The following ATP2A2 variants were observed in gnomAD, a reference collection of about 807,000 sequenced individuals.
ATP2A2 encodes ATPase sarcoplasmic/endoplasmic reticulum Ca2+ transporting 2, also known as sarcoplasmic/endoplasmic reticulum calcium ATPase 2.
In ATP2A2, 14 loss-of-function variants were observed where a neutral mutation model predicts 109.3. The observed-to-expected ratio is 0.13, with a 90% CI of 0.08 to 0.20. ATP2A2 has a LOEUF of 0.20. Ranked by LOEUF, ATP2A2 falls within the 10% of genes least tolerant of loss-of-function variation. The probability of loss-of-function intolerance (pLI) is 1.00; values close to 1 mark genes in which losing one functional copy is unlikely to be tolerated. For missense variants in ATP2A2, 657 were observed against 1,321.6 expected, an observed-to-expected ratio of 0.50 and a Z score of 7.80; for synonymous variants, 506 against 490.9, an observed-to-expected ratio of 1.03 and a Z score of -0.41.
rs1873370187 is a variant in ATP2A2 at position 110,292,016 on chromosome 12, C to T, written c.220-4C>T. 6.2e-7 allele frequency: 1 copy of T among 1,613,058 alleles called. No individual in the cohort carries two copies. Among genetic ancestry groups the T allele is most frequent in the Non-Finnish European group, 8.5e-7 (1 of 1,179,028 alleles). On this transcript the variant is annotated splice_polypyrimidine_tract_variant and splice_region_variant and intron_variant, in intron 3 of 19. Transcript: ENST00000539276. The stretch of plus-strand genomic sequence containing the variant: ...CACATTCTAACGTGCCATTTCTCTT[C>T]TAGGTTTTGGCTTGGTTTGAAGAAG...
chr12:110,306,436 C>G (rs766760926), intron 5 of ATP2A2, among the ~76,000 whole-genome samples: 2 of 152,208 alleles, frequency 1.3e-5, no homozygotes, highest in Non-Finnish European at 2.9e-5. Flanking sequence ...TGGGCTTCTG[C>G]TGATCCTGTC....
rs1379379173 is a variant in ATP2A2 at position 110,287,392 on chromosome 12, A to AGTTG, written c.219+4597_219+4598insGTTG. Among the ~76,000 whole-genome samples, 8 of 152,302 alleles carry AGTTG rather than the reference A, an allele frequency of 5.3e-5. No homozygotes were observed. In the East Asian group the frequency reaches 1.5e-3, roughly 29 times the overall value. Reference sequence around the variant, plus strand: ...GATACTCTATCCCTACTCTATTTTTAACAGTTTAATGTAGTTGAGTGTTCA... The same window carrying AGTTG: ...GATACTCTATCCCTACTCTATTTTTAGTTGACAGTTTAATGTAGTTGAGTGTTCA... On this transcript the variant is annotated intron_variant, in intron 3 of 19. Coordinates refer to ENST00000539276, the MANE Select transcript of ATP2A2 (RefSeq NM_170665.4).
rs1330106592 is a variant in ATP2A2, at chr12:110,296,731, A to G, written c.457A>G (p.Ile153Val). 1 of 1,614,132 alleles carries G rather than the reference A, an allele frequency of 6.2e-7. No individual in the cohort carries two copies. Among genetic ancestry groups the G allele is most frequent in the Non-Finnish European group, 8.5e-7 (1 of 1,180,010 alleles). Residue 153 changes from isoleucine to valine, a missense_variant, in exon 5 of 20, where the codon ATT becomes GTT. Physicochemically the swap from Ile to Val is conservative, Grantham distance 29. Transcript: ENST00000539276. Reference protein sequence around the residue: ...KDIVPGDIVEIAVGDKVPADI... With the variant: ...KDIVPGDIVEVAVGDKVPADI... ...CATAGTTCCTGGTGATATTGTAGAA[A>G]TTGCTGGTGAGTTGAGTTTGTCATT... is the stretch of plus-strand genomic sequence containing the variant.
rs145018250 is a variant in ATP2A2 at position 110,339,718 on chromosome 12, T to C, written c.1758T>C (p.Tyr586=). The change falls in exon 13 of 20, where the codon TAT becomes TAC. Residue 586 remains tyrosine (Y), a synonymous_variant. Coordinates refer to ENST00000539276, the MANE Select transcript of ATP2A2 (RefSeq NM_170665.4). This position sits in a 1 kb window ranked among gnomAD's most constrained non-coding sequence, Gnocchi z 4.4. ...AGGACTCTGCCAACTTTATTAAATA[T>C]GAGGTTAGCTAATGAAAAGTTTCTT... is the stretch of plus-strand genomic sequence containing the variant. ...HLEDSANFIK[Y]ETNLTFVGCV... is the part of the protein sequence containing the mutation. 1.0e-4 allele frequency: 167 copies of C among 1,613,746 alleles called. No homozygotes were observed. Among genetic ancestry groups the C allele is most frequent in the Admixed American group, 2.2e-4 (13 of 60,014 alleles).
chr12:110,323,731 A>T (rs1213730316), intron 6 of ATP2A2, among the ~76,000 whole-genome samples: 1 of 152,188 alleles, frequency 6.6e-6, no homozygotes, highest in Admixed American at 6.5e-5. Flanking sequence ...GGTCAAGGCT[A>T]CAGTGAGCCA....
rs1450134916 is a variant in ATP2A2 at position 110,292,053 on chromosome 12, A to G, written c.253A>G (p.Ile85Val). The change falls in exon 4 of 20, where the codon ATT (isoleucine) becomes GTT (valine). Residue 85 changes from isoleucine to valine, a missense_variant. Coordinates refer to ENST00000539276, the MANE Select transcript of ATP2A2 (RefSeq NM_170665.4). Reference protein sequence around the residue: ...LAWFEEGEETITAFVEPFVIL... With the variant: ...LAWFEEGEETVTAFVEPFVIL... ...TTGGTTTGAAGAAGGTGAAGAAACA[A>G]TTACAGCCTTTGTAGAACCTTTTGT... 12 of 1,614,042 alleles carry G rather than the reference A, an allele frequency of 7.4e-6. No homozygotes were observed. The highest frequency in any genetic ancestry group is 1.0e-5 in the Non-Finnish European group (12 of 1,180,028).
At chr12:110,321,502 G>A (rs924322020) in intron 5 of ATP2A2, among the ~76,000 whole-genome samples, 16 of 152,182 alleles carry the variant, frequency 1.1e-4, no homozygotes, top group African/African-American at 2.2e-4. Flanking sequence ...ACAAAGTCTC[G>A]CTCTGTCTCC....
Position 110,349,156 on chromosome 12 carries a change from C to T in ATP2A2, c.*2686C>T, listed in dbSNP as rs1321392858. On this transcript the variant is annotated 3_prime_UTR_variant, in exon 20 of 20. Transcript: ENST00000539276. ...GCTGTTTTGAGCAGGGCCACTTGCT[C>T]CATTTCACTGAAGGCTTTGCTGGGT... 2.0e-6 allele frequency: 2 copies of T among 985,514 alleles called. No homozygotes were observed. The highest frequency in any genetic ancestry group is 2.4e-6 in the Non-Finnish European group (2 of 830,010). 61.0% of individuals were successfully genotyped at this position (985,514 alleles called of 1,614,324 possible). A position where few individuals can be genotyped will look rare whatever the true frequency, so the allele number is the denominator to read the frequency against.
chr12:110,308,781 C>T (rs1021306535), intron 5 of ATP2A2, among the ~76,000 whole-genome samples: 2 of 152,066 alleles, frequency 1.3e-5, no homozygotes, highest in Non-Finnish European at 2.9e-5. Flanking sequence ...ATTTGCGTAG[C>T]CTGAAAGATT....
At chr12:110,282,644 G>A (rs1566195757) in intron 2 of ATP2A2, 23 bp downstream of exon 2, 1 of 1,612,698 alleles carries the variant, frequency 6.2e-7, no homozygotes, top group Admixed American at 1.7e-5. Context: ...TGCTGTTTCT[G>A]TTTTTTTTCC....
At chr12:110,306,940 G>T (rs901606944) in intron 5 of ATP2A2, among the ~76,000 whole-genome samples, 1 of 151,878 alleles carries the variant, frequency 6.6e-6, no homozygotes, top group South Asian at 2.1e-4. Flanking sequence ...TGTATTTTTC[G>T]TACAGATAAG....
intron 6 of ATP2A2, among the ~76,000 whole-genome samples, chr12:110,325,035 A>T (rs1592842326): frequency 6.7e-6 from 1 of 149,558 alleles, no homozygotes; most frequent in Admixed American, 6.7e-5. Context: ...GCTGGTCTTG[A>T]CCTCCTGACC....
chr12:110,293,363 C>T (rs537927808), intron 4 of ATP2A2, among the ~76,000 whole-genome samples: 124 of 142,066 alleles, frequency 8.7e-4, no homozygotes, highest in African/African-American at 3.0e-3. Context: ...CCACCACTCC[C>T]GGCCTTTTTT....
At chr12:110,308,986 C>T (rs1875683844) in intron 5 of ATP2A2, among the ~76,000 whole-genome samples, 1 of 151,928 alleles carries the variant, frequency 6.6e-6, no homozygotes, top group Non-Finnish European at 1.5e-5. Context: ...TTTGTAGTCA[C>T]TGTTTGGAAT....
chr12:110,309,140 ATTTTTTTTTTTTTTTTTTTTTTTT>A (rs10665212), intron 5 of ATP2A2, among the ~76,000 whole-genome samples: 1,473 of 49,148 alleles, frequency 0.03, 76 homozygotes, highest in Non-Finnish European at 0.037. Context: ...AAGGAAACTA[ATTTTTTTTTTTTTTTTTTTTTTTT>A]TTTTTTTTTT....
Position 110,350,214 on chromosome 12 carries a change from T to G in ATP2A2, c.*3744T>G. ...TCCTTTTCATCTGTCGCTGTTGATC[T>G]TCATCTATTTAAATAGGTATTCTAA... On this transcript the variant is annotated 3_prime_UTR_variant, in exon 20 of 20. Transcript: ENST00000539276. 1 of 1,613,788 alleles carries G rather than the reference T, an allele frequency of 6.2e-7. No individual in the cohort carries two copies. Among genetic ancestry groups the G allele is most frequent in the Admixed American group, 1.7e-5 (1 of 59,952 alleles).
rs1043686690 is a variant in ATP2A2 at position 110,347,740 on chromosome 12, A to G, written c.*1270A>G. ...CACCAACAGTGTGTAAGTCATTAAC[A>G]GTCCTAACTGTGGTGTTTTCCTCCA... On this transcript the variant is annotated 3_prime_UTR_variant, in exon 20 of 20. Transcript: ENST00000539276. 1 of 1,126,818 alleles carries G rather than the reference A, an allele frequency of 8.9e-7. No homozygotes were observed. The highest frequency in any genetic ancestry group is 1.1e-6 in the Non-Finnish European group (1 of 910,106). 69.8% of individuals were successfully genotyped at this position (1,126,818 alleles called of 1,614,324 possible). A position where few individuals can be genotyped will look rare whatever the true frequency, so the allele number is the denominator to read the frequency against.
At chr12:110,325,638 A>G (rs1297716337) in intron 6 of ATP2A2, among the ~76,000 whole-genome samples, 1 of 152,104 alleles carries the variant, frequency 6.6e-6, no homozygotes, top group East Asian at 1.9e-4. Context: ...AAAAAAAAAA[A>G]AAAAGTAGTT....
In ATP2A2 at chr12:110,347,194, TTTTA is replaced by T. The variant is rs1379501780; in HGVS notation, c.*725_*728del. ...CTGGGTTTATGTCCCTTCACATAGT[TTTTA>T]AGGTTATTTATTTAAATGTCTAATG... On this transcript the variant is annotated 3_prime_UTR_variant, in exon 20 of 20. Coordinates refer to ENST00000539276, the MANE Select transcript of ATP2A2 (RefSeq NM_170665.4). 1 of 1,192,652 alleles carries T rather than the reference TTTTA, an allele frequency of 8.4e-7. No homozygotes were observed. The highest frequency in any genetic ancestry group is 1.6e-5 in the African/African-American group (1 of 62,592). 73.9% of individuals were successfully genotyped at this position (1,192,652 alleles called of 1,614,324 possible). A position where few individuals can be genotyped will look rare whatever the true frequency, so the allele number is the denominator to read the frequency against.
Sources: allele counts gnomAD v4.1 joint callset (sites outside exome capture counted in the v4.1 genomes callset), GRCh38; gene constraint gnomAD v4.1.1; non-coding constraint Gnocchi (gnomAD v3.1); transcripts MANE v1.5; gene names NCBI Gene and HGNC (gene_info 2026-07-23, HGNC 2026-07-21).